MYO15A: variants seen among roughly 807,000 people sequenced by gnomAD.
MYO15A encodes unconventional myosin-XV.
A neutral mutation model predicts 394.6 loss-of-function variants in MYO15A; 308 were observed. The ratio of observed to expected loss-of-function variants is 0.78; its 90% confidence interval spans 0.71 to 0.86. The LOEUF is 0.86. Ranked by LOEUF, MYO15A falls within the 40% of genes least tolerant of loss-of-function variation. The pLI, the probability that MYO15A is intolerant of heterozygous loss-of-function variation, is 0.00. For synonymous variants in MYO15A, 1,957 were observed against 2,003.8 expected (o/e 0.98, Z 0.62); for missense variants, 4,606 against 4,799.1 (o/e 0.96, Z 1.19).
At chr17:18,112,062 A>C (rs977491698) in intron 1 of MYO15A, among the ~76,000 whole-genome samples, 1 of 152,230 alleles carries the variant, frequency 6.6e-6, no homozygotes, top group African/African-American at 2.4e-5. Context: ...GCTTTGAGGC[A>C]GGACTTGGGC....
intron 29 of MYO15A, among the ~76,000 whole-genome samples, chr17:18,144,864 C>A (rs1567647894): frequency 6.6e-6 from 1 of 151,238 alleles, no homozygotes; most frequent in Admixed American, 6.6e-5. Context: ...AGACCCAGAT[C>A]TCCTTAAGGA....
intron 64 of MYO15A, chr17:18,172,816 T>G: frequency 5.0e-6 from 1 of 201,960 alleles, no homozygotes; most frequent in Middle Eastern, 2.1e-3. Context: ...ACAGCTTCAT[T>G]TTAACTTAGT....
rs748098244 is a variant in MYO15A at position 18,146,079 on chromosome 17, TC to T, written c.6485del (p.Pro2162ArgfsTer91). The part of the protein sequence containing the change: ...LAACLSGFAP[S>X]PCFNKYLLKF... ...CGCCTGCCTCAGTGGCTTTGCACCT[TC>T]CCCGTGCTTCAACAAGTACCTTCTC... On this transcript the variant is annotated frameshift_variant, in exon 30 of 66. Coordinates refer to ENST00000647165, the MANE Select transcript of MYO15A (RefSeq NM_016239.4). LOFTEE classifies it high-confidence loss of function. 1 of 1,613,856 alleles carries T rather than the reference TC, an allele frequency of 6.2e-7. No individual in the cohort carries two copies. Among genetic ancestry groups the T allele is most frequent in the Admixed American group, 1.7e-5 (1 of 60,004 alleles).
At chr17:18,113,525 G>A (rs886398695) in intron 1 of MYO15A, among the ~76,000 whole-genome samples, 7 of 152,120 alleles carry the variant, frequency 4.6e-5, no homozygotes, top group Non-Finnish European at 8.8e-5. Context: ...TTGGGAGGAT[G>A]AGGTGGGCAG....
rs1050450533 is a variant in MYO15A, at chr17:18,132,631, G to A, written c.4320+65G>A. 4 of 1,371,306 alleles carry A rather than the reference G, an allele frequency of 2.9e-6. No individual in the cohort carries two copies. In the African/African-American group the frequency reaches 4.3e-5, roughly 15 times the overall value. 84.9% of individuals were successfully genotyped at this position (1,371,306 alleles called of 1,614,324 possible). A position where few individuals can be genotyped will look rare whatever the true frequency, so the allele number is the denominator to read the frequency against. On this transcript the variant is annotated intron_variant, in intron 11 of 65. Transcript: ENST00000647165. This position sits in a 1 kb window ranked among gnomAD's most constrained non-coding sequence, Gnocchi z 4.6. ...CCTCCCACCCCGACGCCCCTGGCTGGGCCTTGGGAGCCGAGTTGTGAGTGA... is the reference window on the plus strand; with the variant it reads ...CCTCCCACCCCGACGCCCCTGGCTGAGCCTTGGGAGCCGAGTTGTGAGTGA...
At position 18,148,594 on chromosome 17, in the gene MYO15A, C is replaced by T. The variant is rs2046522300; in HGVS notation, c.6764+26C>T. ...GTTGGCTCCTAGGATGCCCTCCCAG[C>T]ACACTCTTATGTACCTGGAATGTTG... On this transcript the variant is annotated intron_variant, in intron 32 of 65. Transcript: ENST00000647165. This position sits in a 1 kb window ranked among gnomAD's most constrained non-coding sequence, Gnocchi z 4.8. The T allele has an allele frequency of 1.9e-6, 3 of 1,550,838 alleles. No homozygotes were observed. The highest frequency in any genetic ancestry group is 2.6e-6 in the Non-Finnish European group (3 of 1,146,654).
At chr17:18,152,754 C>T (rs2046605517) in intron 42 of MYO15A, among the ~76,000 whole-genome samples, 1 of 152,180 alleles carries the variant, frequency 6.6e-6, no homozygotes, top group Admixed American at 6.5e-5. Flanking sequence ...CCTCTCTGTT[C>T]TCGGAACACT....
intron 46 of MYO15A, 29 bp downstream of exon 46, chr17:18,155,254 G>A (rs371445564): frequency 1.2e-4 from 187 of 1,613,590 alleles, no homozygotes; most frequent in Non-Finnish European, 1.5e-4. Context: ...CCCCCTACCT[G>A]TCCAGAGGAT....
intron 1 of MYO15A, chr17:18,110,559 A>C (rs1303980435): frequency 6.6e-6 from 1 of 152,222 alleles, no homozygotes; most frequent in Non-Finnish European, 1.5e-5. Flanking sequence ...GCAGTCAGGG[A>C]CACAGGCCCC....
chr17:18,119,375 G>A lies in MYO15A; in HGVS notation c.575G>A (p.Arg192His), dbSNP rs777619303. Residue 192 changes from arginine to histidine, a missense_variant, in exon 2 of 66, where the codon CGC becomes CAC. Coordinates refer to ENST00000647165, the MANE Select transcript of MYO15A (RefSeq NM_016239.4). ...GGGGGCCGGCTCCGGAGGTTCCCCC[G>A]CAGCCGCAGCATCTACGCGTCAGGC... Reference protein sequence around the residue: ...RPGGRLRRFPRSRSIYASGEP... With the variant: ...RPGGRLRRFPHSRSIYASGEP... 8 of 1,609,632 alleles carry A rather than the reference G, an allele frequency of 5.0e-6. No homozygotes were observed. Among genetic ancestry groups the A allele is most frequent in the African/African-American group, 4.0e-5 (3 of 74,870 alleles).
At chr17:18,164,279 C>T (rs1035903174) in intron 60 of MYO15A, 1 of 257,462 alleles carries the variant, frequency 3.9e-6, no homozygotes, top group Non-Finnish European at 7.6e-6. Flanking sequence ...CTCGAGGGCT[C>T]CTGGGACCCT....
In MYO15A at chr17:18,119,166, G is replaced by A. The variant is rs1038469596; in HGVS notation, c.366G>A (p.Pro122=). The change falls in exon 2 of 66, where the codon CCG becomes CCA. Residue 122 remains proline (P), a synonymous_variant. Transcript: ENST00000647165. ...PGRRGYGRLR[P]RARSLSKAST... ...GCCGTGGCTACGGCCGCCTGCGGCC[G>A]CGCGCCCGGTCACTCAGCAAAGCGT... 1.9e-6 allele frequency: 3 copies of A among 1,612,084 alleles called. No individual in the cohort carries two copies. Among genetic ancestry groups the A allele is most frequent in the Middle Eastern group, 1.7e-4 (1 of 6,056 alleles).
intron 61 of MYO15A, among the ~76,000 whole-genome samples, chr17:18,167,077 T>C (rs2046865465): frequency 6.6e-6 from 1 of 152,214 alleles, no homozygotes; most frequent in Non-Finnish European, 1.5e-5. Context: ...TATGGTCACG[T>C]AGATTTTGTG....
Position 18,138,112 on chromosome 17 carries a change from C to A in MYO15A, c.4876-3C>A. The A allele has an allele frequency of 6.2e-7, 1 of 1,610,370 alleles. No homozygotes were observed. Among genetic ancestry groups the A allele is most frequent in the Non-Finnish European group, 8.5e-7 (1 of 1,180,012 alleles). ...TTGAGCTCCTGCTGCCCACTGCCTGCAGGAGGAGTACATCCGTGAGCAGAT... is the reference window on the plus strand; with the variant it reads ...TTGAGCTCCTGCTGCCCACTGCCTGAAGGAGGAGTACATCCGTGAGCAGAT... On this transcript the variant is annotated splice_region_variant and splice_polypyrimidine_tract_variant and intron_variant, in intron 16 of 65. Transcript: ENST00000647165.
Position 18,150,379 on chromosome 17 carries a change from C to A in MYO15A, c.7213-50C>A. On this transcript the variant is annotated intron_variant, in intron 35 of 65. Coordinates refer to ENST00000647165, the MANE Select transcript of MYO15A (RefSeq NM_016239.4). The surrounding 1 kb of genome is among the most constrained non-coding windows in gnomAD (Gnocchi z 4.4). The stretch of plus-strand genomic sequence containing the variant: ...TGTCAGGTGCCTGTTGCCATGGAAC[C>A]TTGGGAGTACAATAATGAGATGGTC... 1 of 1,559,274 alleles carries A rather than the reference C, an allele frequency of 6.4e-7. No individual in the cohort carries two copies. The highest frequency in any genetic ancestry group is 8.8e-7 in the Non-Finnish European group (1 of 1,130,836).
At chr17:18,127,245 G>T (rs943643759) in intron 7 of MYO15A, 80 bp downstream of exon 7, 78 of 1,516,828 alleles carry the variant, frequency 5.1e-5, no homozygotes, top group Admixed American at 1.3e-4. Context: ...AAGAGGCAAG[G>T]CTCCTTGGCC....
intron 1 of MYO15A, among the ~76,000 whole-genome samples, chr17:18,114,211 G>A (rs2045757056): frequency 7.1e-6 from 1 of 141,548 alleles, no homozygotes. Context: ...GCTCACAAGT[G>A]TGCCCACCTT....
intron 65 of MYO15A, chr17:18,178,027 G>A (rs1229823766): frequency 6.5e-6 from 1 of 155,002 alleles, no homozygotes; most frequent in African/African-American, 2.4e-5. Context: ...GCAACAGACA[G>A]TTAGAAACTG....
chr17:18,157,117 G>A (rs570194210), intron 49 of MYO15A, 39 bp from the exon 50 acceptor site: 1 of 1,611,268 alleles, frequency 6.2e-7, no homozygotes, highest in South Asian at 1.1e-5. Flanking sequence ...TGGCCAAGGG[G>A]GCCTCCCTGG....
Sources: gnomAD v4.1 joint callset for allele counts (sites outside exome capture counted in the v4.1 genomes callset) on GRCh38, gnomAD v4.1.1 for gene constraint, Gnocchi (gnomAD v3.1) non-coding constraint, MANE v1.5 for transcripts, NCBI Gene and HGNC (gene_info 2026-07-23, HGNC 2026-07-21) for gene names.